SEMA5A: variants seen among roughly 807,000 people sequenced by gnomAD.
SEMA5A encodes the protein semaphorin 5A.
Under a neutral mutation model 135.5 loss-of-function variants are expected in SEMA5A, and 55 were observed. The ratio of observed to expected loss-of-function variants is 0.41; its 90% CI spans 0.33 to 0.51. The LOEUF is 0.51. SEMA5A is among the 20% of genes least tolerant of loss of function. The pLI is 0.37. For missense variants in SEMA5A, 1,290 were observed against 1,419.9 expected, an observed-to-expected ratio of 0.91 and a Z score of 1.47; for synonymous variants, 580 against 546.5, an observed-to-expected ratio of 1.06 and a Z score of -0.85.
At chr5:9,378,004 C>T (rs961728997) in intron 3 of SEMA5A, among the ~76,000 whole-genome samples, 6 of 152,058 alleles carry the variant, frequency 3.9e-5, no homozygotes, top group African/African-American at 1.4e-4. Flanking sequence ...CTACACTGGG[C>T]TTAAAATGCT....
At chr5:9,244,701 G>A (rs1748392986) in intron 5 of SEMA5A, among the ~76,000 whole-genome samples, 1 of 152,202 alleles carries the variant, frequency 6.6e-6, no homozygotes, top group African/African-American at 2.4e-5. Context: ...TAACGGATGT[G>A]TTAATAGAAT....
At chr5:9,358,626 C>T (rs1346603627) in intron 3 of SEMA5A, among the ~76,000 whole-genome samples, 2 of 152,182 alleles carry the variant, frequency 1.3e-5, no homozygotes, top group Non-Finnish European at 2.9e-5. Context: ...GATGCAGGCA[C>T]TTGATAAAGA....
chr5:9,351,287 C>A (rs562872839), intron 3 of SEMA5A, among the ~76,000 whole-genome samples: 1 of 152,298 alleles, frequency 6.6e-6, no homozygotes, highest in Admixed American at 6.5e-5. Flanking sequence ...CCAGTTCCCT[C>A]CAATAGCATC....
chr5:9,055,587 A>C (rs889506232), intron 18 of SEMA5A, among the ~76,000 whole-genome samples: 2 of 152,206 alleles, frequency 1.3e-5, no homozygotes, highest in Non-Finnish European at 2.9e-5. Context: ...AAAGGTAAAA[A>C]GAAAGCATTT....
chr5:9,304,472 A>G (rs1751764591), intron 5 of SEMA5A, among the ~76,000 whole-genome samples: 2 of 151,136 alleles, frequency 1.3e-5, no homozygotes, highest in South Asian at 4.2e-4. Flanking sequence ...TATTATTTTT[A>G]AAGTTAAACA....
chr5:9,348,331 C>T (rs1171631813), intron 3 of SEMA5A, among the ~76,000 whole-genome samples: 4 of 152,222 alleles, frequency 2.6e-5, no homozygotes, highest in Admixed American at 2.6e-4. Flanking sequence ...AATTTCTACT[C>T]ATCCATCAGG....
At chr5:9,127,554 G>A (rs1028379513) in intron 13 of SEMA5A, among the ~76,000 whole-genome samples, 2 of 152,120 alleles carry the variant, frequency 1.3e-5, no homozygotes, top group Non-Finnish European at 2.9e-5. Context: ...AACTCACCCT[G>A]TACCGACAAA....
At chr5:9,440,103 G>A (rs1039455268) in intron 1 of SEMA5A, among the ~76,000 whole-genome samples, 2 of 152,258 alleles carry the variant, frequency 1.3e-5, no homozygotes, top group African/African-American at 2.4e-5. Flanking sequence ...GCCTGGGAAC[G>A]TGCACTCAGG....
intron 2 of SEMA5A, among the ~76,000 whole-genome samples, chr5:9,384,619 C>T (rs6861221): frequency 5.8e-5 from 5 of 85,814 alleles, no homozygotes; most frequent in South Asian, 9.0e-4. Flanking sequence ...TAGATAGATA[C>T]ATAGATAGAT....
At chr5:9,181,759 G>A (rs1371274113) in intron 11 of SEMA5A, among the ~76,000 whole-genome samples, 2 of 152,214 alleles carry the variant, frequency 1.3e-5, no homozygotes, top group East Asian at 1.9e-4. Context: ...AACATTTACA[G>A]ATGCATTTCC....
At chr5:9,315,555 A>G (rs1383529130) in intron 5 of SEMA5A, among the ~76,000 whole-genome samples, 1 of 152,160 alleles carries the variant, frequency 6.6e-6, no homozygotes, top group Non-Finnish European at 1.5e-5. Flanking sequence ...GTTGAGCTTT[A>G]TGATGGAAGA....
chr5:9,428,120 A>T (rs1561245121), intron 2 of SEMA5A, among the ~76,000 whole-genome samples: 9 of 124,452 alleles, frequency 7.2e-5, no homozygotes, highest in African/African-American at 2.4e-4. Context: ...ATATATATTC[A>T]ACTCTATCTA....
At chr5:9,304,135 C>T (rs1321611899) in intron 5 of SEMA5A, among the ~76,000 whole-genome samples, 3 of 152,088 alleles carry the variant, frequency 2.0e-5, no homozygotes, top group African/African-American at 7.2e-5. Context: ...ATAATTGGAG[C>T]AGTTTTCTTG....
At chr5:9,526,967 T>A (rs1417601811) in intron 1 of SEMA5A, among the ~76,000 whole-genome samples, 1 of 152,222 alleles carries the variant, frequency 6.6e-6, no homozygotes, top group Non-Finnish European at 1.5e-5. Context: ...ATGGTCATTA[T>A]CTTGGTGACA....
intron 2 of SEMA5A, among the ~76,000 whole-genome samples, chr5:9,410,881 A>C (rs1757082723): frequency 6.6e-6 from 1 of 152,230 alleles, no homozygotes; most frequent in Middle Eastern, 3.4e-3. Flanking sequence ...AGGAAAAAAA[A>C]AAAAGACATT....
At position 9,224,807 on chromosome 5, in the gene SEMA5A, C is replaced by T. The variant is rs147411573; in HGVS notation, c.513G>A (p.Ala171=). The change falls in exon 8 of 23, where the codon GCG becomes GCA. Residue 171 remains alanine, a synonymous_variant. Coordinates refer to ENST00000382496, the MANE Select transcript of SEMA5A (RefSeq NM_003966.3). ...AGAGCTCCCCACCAGCTGTGAGGAG[C>T]GCTGTGGAATTGTGCTGGGGACTGT... The part of the protein sequence containing the change: ...CPYSPQHNST[A]LLTAGGELYA... 2.0e-5 allele frequency: 33 copies of T among 1,613,968 alleles called. No individual in the cohort carries two copies. Among genetic ancestry groups the T allele is most frequent in the Middle Eastern group, 1.6e-4 (1 of 6,080 alleles).
intron 1 of SEMA5A, among the ~76,000 whole-genome samples, chr5:9,509,857 G>C (rs902538409): frequency 9.9e-5 from 15 of 152,180 alleles, no homozygotes; most frequent in African/African-American, 3.6e-4. Context: ...AGGAAATGGG[G>C]AGACATTACT....
In SEMA5A at chr5:9,202,285, A is replaced by T. The variant is rs371624258; in HGVS notation, c.647-45T>A. The T allele has an allele frequency of 1.0e-5, 16 of 1,590,360 alleles. No individual in the cohort carries two copies. The Middle Eastern group carries it at 5.4e-4, about 53-fold the overall frequency. On this transcript the variant is annotated intron_variant, in intron 8 of 22. Transcript: ENST00000382496. ...GGGAAAAAATCTCAACATTCATGTCATTCCCTTTTGGTCTTGCCTGCTCAG... is the reference window on the plus strand; with the variant it reads ...GGGAAAAAATCTCAACATTCATGTCTTTCCCTTTTGGTCTTGCCTGCTCAG...
intron 6 of SEMA5A, 22 bp from the exon 7 acceptor site, chr5:9,226,989 A>G (rs1747348499): frequency 3.2e-6 from 4 of 1,262,396 alleles, no homozygotes; most frequent in Middle Eastern, 2.0e-4. Flanking sequence ...TAAATAAATT[A>G]ATTAAAAATA....
Sources: gnomAD v4.1 joint callset for allele counts (sites outside exome capture counted in the v4.1 genomes callset) on GRCh38, gnomAD v4.1.1 for gene constraint, MANE v1.5 for transcripts, NCBI Gene and HGNC (gene_info 2026-07-23, HGNC 2026-07-21) for gene names.